Variants in EPHA6 observed in about 807,000 individuals in gnomAD.
EPHA6 encodes the protein ephrin type-A receptor 6.
EPHA6 carries 50 observed loss-of-function variants against 112.0 expected under a neutral mutation model. That is an observed-to-expected ratio of 0.45 (90% confidence interval 0.36 to 0.56). The LOEUF (loss-of-function observed/expected upper bound fraction) is 0.56, where lower values mean the gene tolerates loss of function less well. EPHA6 is among the 20% of genes least tolerant of loss of function. The probability of loss-of-function intolerance (pLI) is 0.00; values close to 1 mark genes in which losing one functional copy is unlikely to be tolerated. For missense variants in EPHA6, 1,280 were observed against 1,417.4 expected, an observed-to-expected ratio of 0.90 and a Z score of 1.56; for synonymous variants, 529 against 490.7, an observed-to-expected ratio of 1.08 and a Z score of -1.03.
chr3:97,182,028 AG>A (rs1362574947), intron 3 of EPHA6, among the ~76,000 whole-genome samples: 1 of 152,102 alleles, frequency 6.6e-6, no homozygotes, highest in Non-Finnish European at 1.5e-5. Context: ...TAACTGCCAA[AG>A]GTTGTTGCAG....
chr3:97,284,763 C>A (rs778800897), intron 5 of EPHA6, among the ~76,000 whole-genome samples: 2 of 152,112 alleles, frequency 1.3e-5, no homozygotes, highest in Non-Finnish European at 2.9e-5. Flanking sequence ...CAAAAAAATT[C>A]CCCAAGGCCA....
At chr3:96,845,286 G>A (rs2107343442) in intron 1 of EPHA6, among the ~76,000 whole-genome samples, 1 of 152,158 alleles carries the variant, frequency 6.6e-6, no homozygotes, top group East Asian at 1.9e-4. Flanking sequence ...AATTCAAGGT[G>A]GAGCCTTAAA....
intron 2 of EPHA6, among the ~76,000 whole-genome samples, chr3:96,950,522 A>G (rs2041482957): frequency 6.6e-6 from 1 of 152,174 alleles, no homozygotes; most frequent in Non-Finnish European, 1.5e-5. Context: ...TAGTTCATGG[A>G]AAAATCACTG....
chr3:96,917,880 A>G (rs2039568403), intron 2 of EPHA6, among the ~76,000 whole-genome samples: 1 of 152,190 alleles, frequency 6.6e-6, no homozygotes, highest in Non-Finnish European at 1.5e-5. Flanking sequence ...AAAGGATAAT[A>G]GAAGCTCCAT....
rs568812846 is a variant in EPHA6 at position 97,753,081 on chromosome 3, C to G, written c.*4380C>G. On this transcript the variant is annotated 3_prime_UTR_variant, in exon 18 of 18. Transcript: ENST00000389672. Reference sequence around the variant, plus strand: ...AATATAAGATACTTAAGTCACCTAACTTTTGGTTTTTATAAGCAACATTTT... The same window carrying G: ...AATATAAGATACTTAAGTCACCTAAGTTTTGGTTTTTATAAGCAACATTTT... Among the ~76,000 whole-genome samples the G allele has an allele frequency of 1.4e-4, 22 of 152,066 alleles. No individual in the cohort carries two copies. Among genetic ancestry groups the G allele is most frequent in the Non-Finnish European group, 3.1e-4 (21 of 67,982 alleles).
chr3:97,586,916 T>A (rs1024181536), intron 11 of EPHA6, among the ~76,000 whole-genome samples: 1 of 152,162 alleles, frequency 6.6e-6, no homozygotes, highest in Non-Finnish European at 1.5e-5. Flanking sequence ...GGCTACTATG[T>A]GCCAGTTACA....
At chr3:97,339,750 G>A (rs1163763668) in intron 5 of EPHA6, among the ~76,000 whole-genome samples, 1 of 152,154 alleles carries the variant, frequency 6.6e-6, no homozygotes, top group Non-Finnish European at 1.5e-5. Context: ...ACACATATGT[G>A]AGGCAAATAG....
intron 3 of EPHA6, among the ~76,000 whole-genome samples, chr3:97,041,666 G>T (rs2045320152): frequency 6.6e-6 from 1 of 152,052 alleles, no homozygotes; most frequent in Non-Finnish European, 1.5e-5. Flanking sequence ...AAAGAAAAGA[G>T]GGTTAATTTA....
chr3:97,477,017 A>G (rs112124889), intron 8 of EPHA6, among the ~76,000 whole-genome samples: 3,210 of 152,180 alleles, frequency 0.021, 129 homozygotes, highest in African/African-American at 0.073. Context: ...ATCTTAATAC[A>G]AGTACTAATT....
At position 97,577,287 on chromosome 3, in the gene EPHA6, A is replaced by G. The variant is rs183645144; in HGVS notation, c.2387-15325A>G. Among the ~76,000 whole-genome samples the G allele has an allele frequency of 9.2e-5, 14 of 152,374 alleles. No homozygotes were observed. The East Asian group carries it at 2.1e-3, about 23-fold the overall frequency. On this transcript the variant is annotated intron_variant, in intron 11 of 17. Transcript: ENST00000389672. ...TGCAAAGGAAGAAAAGAAAATTTGC[A>G]TAAGACTTATCCAAAGTAAACAAAT...
chr3:96,918,347 TG>T (rs2039588766), intron 2 of EPHA6, among the ~76,000 whole-genome samples: 1 of 152,156 alleles, frequency 6.6e-6, no homozygotes, highest in South Asian at 2.1e-4. Context: ...CACATGAAAA[TG>T]TATACTTTTA....
chr3:97,574,843 A>G (rs865889485), intron 11 of EPHA6, among the ~76,000 whole-genome samples: 3 of 152,128 alleles, frequency 2.0e-5, no homozygotes, highest in African/African-American at 7.2e-5. Context: ...TTTGGAAATA[A>G]TAGACACTAG....
intron 2 of EPHA6, among the ~76,000 whole-genome samples, chr3:96,973,269 A>G (rs1485851998): frequency 1.3e-5 from 2 of 152,188 alleles, no homozygotes; most frequent in African/African-American, 4.8e-5. Context: ...TTCACTTCAG[A>G]TGATACAGCC....
intron 3 of EPHA6, among the ~76,000 whole-genome samples, chr3:97,134,031 A>C (rs757718757): frequency 1.3e-4 from 20 of 152,132 alleles, no homozygotes; most frequent in Admixed American, 2.6e-4. Context: ...GTTTGTTTTC[A>C]TGAAATTTTA....
intron 11 of EPHA6, among the ~76,000 whole-genome samples, chr3:97,580,849 G>A (rs551926102): frequency 1.3e-5 from 2 of 152,314 alleles, no homozygotes; most frequent in East Asian, 1.9e-4. Context: ...ACTTGAAACT[G>A]TATAATGCCT....
intron 11 of EPHA6, among the ~76,000 whole-genome samples, chr3:97,562,411 A>G (rs369870844): frequency 1.1e-4 from 17 of 152,272 alleles, no homozygotes; most frequent in African/African-American, 4.1e-4. Flanking sequence ...TGAGGGGTTC[A>G]AGACTTCAGT....
At chr3:97,226,917 T>A (rs2078373656) in intron 4 of EPHA6, among the ~76,000 whole-genome samples, 1 of 152,134 alleles carries the variant, frequency 6.6e-6, no homozygotes, top group African/African-American at 2.4e-5. Flanking sequence ...TATTTTTGAG[T>A]TTTTCCACAT....
intron 5 of EPHA6, among the ~76,000 whole-genome samples, chr3:97,377,308 A>C (rs1156553904): frequency 6.6e-6 from 1 of 152,112 alleles, no homozygotes; most frequent in Non-Finnish European, 1.5e-5. Flanking sequence ...TGCCACCACC[A>C]TATAAGAAGT....
chr3:97,481,142 T>C, intron 9 of EPHA6: 1 of 699,670 alleles, frequency 1.4e-6, no homozygotes, highest in East Asian at 3.3e-5. Context: ...AGGTGGAGGT[T>C]GTAGAGAGCC....
Sources: allele counts gnomAD v4.1 joint callset (sites outside exome capture counted in the v4.1 genomes callset), GRCh38; gene constraint gnomAD v4.1.1; transcripts MANE v1.5; gene names NCBI Gene and HGNC (gene_info 2026-07-23, HGNC 2026-07-21).